Variants in ADARB2 observed in about 807,000 individuals in gnomAD.
ADARB2 encodes adenosine deaminase RNA specific B2 (inactive), also known as inactive double-stranded RNA-specific editase B2.
Under a neutral mutation model 62.2 loss-of-function variants are expected in ADARB2, and 25 were observed. The observed-to-expected ratio is 0.40, with a 90% CI of 0.29 to 0.56. The LOEUF (loss-of-function observed/expected upper bound fraction) is 0.56. Among genes scored for constraint, ADARB2 ranks in the 20% least tolerant of loss-of-function variants. ADARB2 has a pLI of 0.43. For missense variants in ADARB2, 1,071 were observed against 1,077.4 expected, an observed-to-expected ratio of 0.99 and a Z score of 0.08; for synonymous variants, 572 against 500.8, an observed-to-expected ratio of 1.14 and a Z score of -1.90.
chr10:1,635,817 A>G (rs138846177), intron 1 of ADARB2, among the ~76,000 whole-genome samples: 608 of 152,128 alleles, frequency 4.0e-3, no homozygotes, highest in Non-Finnish European at 6.3e-3. Flanking sequence ...ATCTCTGGAC[A>G]CCTCCTCACT....
intron 1 of ADARB2, among the ~76,000 whole-genome samples, chr10:1,705,315 G>T (rs908231822): frequency 1.3e-5 from 2 of 152,182 alleles, no homozygotes; most frequent in African/African-American, 4.8e-5. Context: ...TGTGGCTGGG[G>T]AGGGTAGTGT....
intron 8 of ADARB2, among the ~76,000 whole-genome samples, chr10:1,193,608 A>T (rs1212730705): frequency 1.3e-5 from 2 of 152,206 alleles, no homozygotes; most frequent in African/African-American, 4.8e-5. Context: ...TCTTAAGCCC[A>T]GATAACACAT....
chr10:1,229,654 TTG>T (rs1458488834), intron 6 of ADARB2, among the ~76,000 whole-genome samples: 5 of 21,268 alleles, frequency 2.4e-4, no homozygotes, highest in Non-Finnish European at 5.5e-4. Context: ...TGTCGTGTGC[TTG>T]TGTGTGCACA....
intron 8 of ADARB2, among the ~76,000 whole-genome samples, chr10:1,188,492 G>A (rs762335685): frequency 6.6e-6 from 1 of 151,984 alleles, no homozygotes; most frequent in East Asian, 1.9e-4. Context: ...AGGACCATGT[G>A]CTTACGCTTT....
chr10:1,589,464 G>C (rs1241078690), intron 1 of ADARB2, among the ~76,000 whole-genome samples: 1 of 151,222 alleles, frequency 6.6e-6, no homozygotes, highest in Non-Finnish European at 1.5e-5. Context: ...GTCCATGGTT[G>C]GGGTGTCCAC....
At chr10:1,526,359 G>A (rs1832142007) in intron 1 of ADARB2, among the ~76,000 whole-genome samples, 1 of 152,038 alleles carries the variant, frequency 6.6e-6, no homozygotes, top group African/African-American at 2.4e-5. Flanking sequence ...GGCACAGTCA[G>A]TGCTATGGTT....
At chr10:1,466,037 G>T (rs891451162) in intron 1 of ADARB2, among the ~76,000 whole-genome samples, 2 of 152,178 alleles carry the variant, frequency 1.3e-5, no homozygotes, top group African/African-American at 4.8e-5. Context: ...GACAAGAACC[G>T]AAGGCTCTCA....
At chr10:1,414,152 C>T (rs1219041367) in intron 1 of ADARB2, among the ~76,000 whole-genome samples, 2 of 152,218 alleles carry the variant, frequency 1.3e-5, no homozygotes, top group Non-Finnish European at 2.9e-5. Context: ...TGGAATTGCT[C>T]AACCTACCCC....
rs1836628434 is a variant in ADARB2 at position 1,179,121 on chromosome 10, A to G, written c.*4072T>C. The G allele has an allele frequency of 1.6e-5, 1 of 62,892 alleles. No individual in the cohort carries two copies. The allele number at this position is 62,892 out of a possible 1,614,324, so 3.9% of individuals were successfully genotyped here. ...ACATCTTGAAATTTATTATCTAAAAATAGGATTTCATCAAAATAACTATTC... is the reference window on the plus strand; with the variant it reads ...ACATCTTGAAATTTATTATCTAAAAGTAGGATTTCATCAAAATAACTATTC... On this transcript the variant is annotated 3_prime_UTR_variant, in exon 10 of 10. Transcript: ENST00000381312.
At chr10:1,726,983 G>C (rs1489896043) in intron 1 of ADARB2, among the ~76,000 whole-genome samples, 1 of 152,146 alleles carries the variant, frequency 6.6e-6, no homozygotes, top group Admixed American at 6.5e-5. Flanking sequence ...ACATGTTCTA[G>C]AGCTTCTGTT....
chr10:1,693,189 G>T (rs750107553), intron 1 of ADARB2, among the ~76,000 whole-genome samples: 2 of 152,200 alleles, frequency 1.3e-5, no homozygotes, highest in Non-Finnish European at 2.9e-5. Flanking sequence ...GGGCTCCGGG[G>T]AGAGTAAAAG....
intron 1 of ADARB2, among the ~76,000 whole-genome samples, chr10:1,591,679 G>GCACACA (rs1305696832): frequency 1.8e-5 from 2 of 108,228 alleles, no homozygotes; most frequent in African/African-American, 3.7e-5. Context: ...ACACACACAC[G>GCACACA]CACACACTCA....
At chr10:1,714,657 A>G (rs1297308283) in intron 1 of ADARB2, among the ~76,000 whole-genome samples, 3 of 152,192 alleles carry the variant, frequency 2.0e-5, no homozygotes, top group Non-Finnish European at 4.4e-5. Context: ...CTCCCACAGA[A>G]GGCAGGAAGA....
chr10:1,632,202 C>A (rs1014458559), intron 1 of ADARB2, among the ~76,000 whole-genome samples: 8 of 152,170 alleles, frequency 5.3e-5, no homozygotes, highest in Non-Finnish European at 1.0e-4. Context: ...TCTTAAACAT[C>A]CAACTTCATA....
At position 1,223,398 on chromosome 10, in the gene ADARB2, TA is replaced by T. The variant is rs1830713801; in HGVS notation, c.1514-6280del. ...TTGACTTCCTCTTTTTCTAATTGAATAACCTTTATTTCCTTCTCCTGCCTGA... is the reference window on the plus strand; with the variant it reads ...TTGACTTCCTCTTTTTCTAATTGAATACCTTTATTTCCTTCTCCTGCCTGA... On this transcript the variant is annotated intron_variant, in intron 6 of 9. Coordinates refer to ENST00000381312, the MANE Select transcript of ADARB2 (RefSeq NM_018702.4). 2.0e-5 allele frequency among the ~76,000 whole-genome samples: 3 copies of T among 152,314 alleles called. No homozygotes were observed. The South Asian group carries it at 6.2e-4, about 32-fold the overall frequency.
chr10:1,604,068 G>A (rs1833465455), intron 1 of ADARB2, among the ~76,000 whole-genome samples: 1 of 152,094 alleles, frequency 6.6e-6, no homozygotes, highest in Non-Finnish European at 1.5e-5. Context: ...GCCTCCCAAA[G>A]TGCTGGGATT....
intron 1 of ADARB2, among the ~76,000 whole-genome samples, chr10:1,650,948 G>A (rs1834102724): frequency 6.6e-6 from 1 of 152,190 alleles, no homozygotes; most frequent in Admixed American, 6.5e-5. Flanking sequence ...CACAGCACCA[G>A]GCTGACTTTA....
intron 1 of ADARB2, among the ~76,000 whole-genome samples, chr10:1,447,136 C>G (rs1292248605): frequency 1.3e-5 from 2 of 152,146 alleles, no homozygotes; most frequent in African/African-American, 4.8e-5. Flanking sequence ...CAATTAGCAG[C>G]CTTCGGATGC....
intron 7 of ADARB2, among the ~76,000 whole-genome samples, chr10:1,206,487 G>A (rs67699390): frequency 0.26 from 39,661 of 150,010 alleles, 5,564 homozygotes; most frequent in African/African-American, 0.34. Flanking sequence ...AGAACTGCGG[G>A]GTCTCCTCCT....
Sources: allele counts gnomAD v4.1 joint callset (sites outside exome capture counted in the v4.1 genomes callset), GRCh38; gene constraint gnomAD v4.1.1; transcripts MANE v1.5; gene names NCBI Gene and HGNC (gene_info 2026-07-23, HGNC 2026-07-21).